Variants in ZNF177 observed in about 807,000 individuals in gnomAD.
The protein encoded by ZNF177 is zinc finger protein 177.
In ZNF177, 17 loss-of-function variants were observed where a neutral mutation model predicts 19.4. That is an observed-to-expected ratio of 0.87 (90% confidence interval 0.60 to 1.31). ZNF177 has a LOEUF of 1.31. ZNF177 is among the 40% of genes most tolerant of loss of function. The pLI, the probability that ZNF177 is intolerant of heterozygous loss-of-function variation, is 0.00. For missense variants in ZNF177, 633 were observed against 561.8 expected (o/e 1.13, Z -1.28); for synonymous variants, 220 against 188.7 (o/e 1.17, Z -1.36).
At chr19:9,374,625 G>C (rs887746590), upstream of ZNF177, among the ~76,000 whole-genome samples, 2 of 151,728 alleles carry the variant, frequency 1.3e-5, no homozygotes, top group East Asian at 3.9e-4. Flanking sequence ...TACTCTTTTT[G>C]ATATTATTAT....
downstream of ZNF177, chr19:9,382,445 A>G (rs563137094): frequency 5.0e-6 from 2 of 398,698 alleles, no homozygotes; most frequent in South Asian, 2.5e-4. Context: ...CAGGGGAGAT[A>G]CAATATTATC....
intron 2 of ZNF177, 65 bp downstream of exon 4, chr19:9,378,409 C>G (rs1467170660): frequency 1.2e-6 from 2 of 1,601,464 alleles, no homozygotes; most frequent in Admixed American, 1.7e-5. Flanking sequence ...ACATCTCTTG[C>G]CCCTGACCTG....
chr19:9,378,936 G>A (rs1448081698), intron 2 of ZNF177, 26 bp from the exon 5 acceptor site: 2 of 1,573,560 alleles, frequency 1.3e-6, no homozygotes, highest in Non-Finnish European at 1.7e-6. Flanking sequence ...CATTGGCTGA[G>A]CCAGAATATG....
At chr19:9,372,682 A>G (rs147799544), upstream of ZNF177, among the ~76,000 whole-genome samples, 900 of 150,118 alleles carry the variant, frequency 6.0e-3, 7 homozygotes, top group Non-Finnish European at 8.1e-3. Context: ...AGTAGCTGGG[A>G]TTACAGGCAC....
intron 4 of ZNF177, 24 bp from the exon 7 acceptor site, chr19:9,380,033 A>T (rs571211719): frequency 6.2e-7 from 1 of 1,600,946 alleles, no homozygotes; most frequent in East Asian, 2.2e-5. Context: ...CCCAATAATT[A>T]TAAAAATTCC....
Position 9,380,649 on chromosome 19 carries a change from C to T in ZNF177, c.337-19C>T. 6.5e-7 allele frequency: 1 copy of T among 1,535,844 alleles called. No individual in the cohort carries two copies. Among genetic ancestry groups the T allele is most frequent in the East Asian group, 2.4e-5 (1 of 40,908 alleles). Reference sequence around the variant, plus strand: ...AAAGTGAAAAAGCCTCTAGTCACCACTTACTCCCTTTTCAACAGGCAGAAA... The same window carrying T: ...AAAGTGAAAAAGCCTCTAGTCACCATTTACTCCCTTTTCAACAGGCAGAAA... On this transcript the variant is annotated intron_variant, in intron 5 of 5. Transcript: ENST00000589262.
upstream of ZNF177, chr19:9,371,668 G>A (rs895042318): frequency 3.3e-5 from 5 of 152,106 alleles, no homozygotes; most frequent in African/African-American, 1.2e-4. Context: ...CAAATACCAA[G>A]GAAGAAAAAT....
upstream of ZNF177, among the ~76,000 whole-genome samples, chr19:9,375,082 C>A (rs2068093032): frequency 3.6e-5 from 4 of 112,176 alleles, no homozygotes; most frequent in African/African-American, 1.3e-4. Context: ...GCTTTTTCTT[C>A]ATCTATTCTA....
chr19:9,381,044 G>A, exon 6 of ZNF177: 2 of 1,603,276 alleles, frequency 1.2e-6, no homozygotes, highest in South Asian at 1.1e-5. Context: ...AGTGACTATG[G>A]CAAAATATCT....
chr19:9,381,192 T>C (rs2068194468), exon 6 of ZNF177: 3 of 1,614,080 alleles, frequency 1.9e-6, no homozygotes, highest in East Asian at 2.2e-5. Flanking sequence ...ATGAATGCAG[T>C]GACTGTGGGA....
At chr19:9,379,710 C>A in intron 4 of ZNF177, 91 bp downstream of exon 6, 1 of 1,420,086 alleles carries the variant, frequency 7.0e-7, no homozygotes, top group Non-Finnish European at 9.5e-7. Context: ...AAATCTGAGG[C>A]CATGACATGA....
chr19:9,363,121 G>A (rs1410764686), intron 1 of ZNF177, 37 bp downstream of exon 1: 2 of 152,492 alleles, frequency 1.3e-5, no homozygotes, highest in African/African-American at 4.8e-5. Context: ...AATCGGGAGG[G>A]AAGGGGTCAA....
intron 2 of ZNF177, among the ~76,000 whole-genome samples, chr19:9,365,353 T>TGG (rs2067963056): frequency 7.1e-6 from 1 of 141,072 alleles, no homozygotes; most frequent in African/African-American, 2.7e-5. Context: ...AGAGAAGGGG[T>TGG]GGGGGCTTCT....
chr19:9,367,176 T>G (rs1026888139), intron 2 of ZNF177, among the ~76,000 whole-genome samples: 1 of 151,940 alleles, frequency 6.6e-6, no homozygotes, highest in African/African-American at 2.4e-5. Flanking sequence ...AAAACATAGC[T>G]GGGTGTGGTG....
intron 1 of ZNF177, among the ~76,000 whole-genome samples, chr19:9,363,553 C>T (rs1366369839): frequency 1.3e-5 from 2 of 152,060 alleles, no homozygotes; most frequent in Non-Finnish European, 2.9e-5. Flanking sequence ...TGGGCTTGTG[C>T]ATGTTTTTTC....
At chr19:9,380,576 CTA>C in intron 5 of ZNF177, 90 bp from the exon 8 acceptor site, 5 of 1,535,232 alleles carry the variant, frequency 3.3e-6, no homozygotes, top group Non-Finnish European at 4.4e-6. Flanking sequence ...CATGTGCTTC[CTA>C]TATATGGCAG....
exon 6 of ZNF177, chr19:9,380,883 T>G (rs1223100127): frequency 6.5e-7 from 1 of 1,536,096 alleles, no homozygotes; most frequent in African/African-American, 1.4e-5. Context: ...GTAGAAAAGC[T>G]TTCAATCAAG....
At chr19:9,365,559 C>T (rs906339300) in intron 2 of ZNF177, among the ~76,000 whole-genome samples, 2 of 151,632 alleles carry the variant, frequency 1.3e-5, no homozygotes, top group Admixed American at 1.3e-4. Context: ...AAAAGCAGTA[C>T]TTGCCGCTAA....
intron 2 of ZNF177, among the ~76,000 whole-genome samples, chr19:9,365,526 G>T (rs1054667511): frequency 6.6e-6 from 1 of 151,970 alleles, no homozygotes; most frequent in African/African-American, 2.4e-5. Flanking sequence ...GAGAGAAGGG[G>T]GTCAGGGGGT....
Sources: allele counts gnomAD v4.1 joint callset (sites outside exome capture counted in the v4.1 genomes callset), GRCh38; gene constraint gnomAD v4.1.1; transcripts MANE v1.5; gene names NCBI Gene and HGNC (gene_info 2026-07-23, HGNC 2026-07-21).